Variants in NALF1 observed in about 807,000 individuals in gnomAD.
The protein encoded by NALF1 is family with sequence similarity 155 member A.
Under a neutral mutation model 48.4 loss-of-function variants are expected in NALF1, and 3 were observed. That is an observed-to-expected ratio of 0.06 (90% confidence interval 0.03 to 0.16). The LOEUF is 0.16. Among genes scored for constraint, NALF1 ranks in the 10% least tolerant of loss-of-function variants. NALF1 has a pLI of 1.00. For synonymous variants in NALF1, 262 were observed against 245.7 expected, an observed-to-expected ratio of 1.07 and a Z score of -0.62; for missense variants, 526 against 571.5, an observed-to-expected ratio of 0.92 and a Z score of 0.81.
intron 1 of NALF1, among the ~76,000 whole-genome samples, chr13:107,673,938 T>A (rs781274001): frequency 6.6e-6 from 1 of 152,106 alleles, no homozygotes; most frequent in Non-Finnish European, 1.5e-5. Flanking sequence ...GACTTAAGTG[T>A]TCTCCCCACA....
intron 1 of NALF1, among the ~76,000 whole-genome samples, chr13:107,218,458 G>A (rs997204384): frequency 2.0e-5 from 3 of 152,110 alleles, no homozygotes; most frequent in African/African-American, 7.2e-5. Flanking sequence ...GATGCCCCGC[G>A]ATTGGTTAGC....
intron 1 of NALF1, among the ~76,000 whole-genome samples, chr13:107,738,424 T>A (rs1876528654): frequency 6.6e-6 from 1 of 152,178 alleles, no homozygotes; most frequent in South Asian, 2.1e-4. Flanking sequence ...ATCTTAAGCC[T>A]GGACTTCACA....
chr13:107,412,105 T>C (rs1447526223), intron 1 of NALF1, among the ~76,000 whole-genome samples: 3 of 152,180 alleles, frequency 2.0e-5, no homozygotes, highest in Non-Finnish European at 4.4e-5. Flanking sequence ...CGAAATGAGC[T>C]GTGACTTCAA....
intron 1 of NALF1, among the ~76,000 whole-genome samples, chr13:107,785,119 T>C (rs576128494): frequency 6.6e-6 from 1 of 152,032 alleles, no homozygotes; most frequent in East Asian, 1.9e-4. Context: ...TATATGTATA[T>C]ATATATTCAT....
At chr13:107,440,401 G>A (rs16970111) in intron 1 of NALF1, among the ~76,000 whole-genome samples, 2,330 of 152,274 alleles carry the variant, frequency 0.015, 57 homozygotes, top group African/African-American at 0.054. Context: ...GTGGCGCGAC[G>A]AAGCCAGCTT....
At chr13:107,609,303 T>C (rs894958556) in intron 1 of NALF1, among the ~76,000 whole-genome samples, 1 of 152,202 alleles carries the variant, frequency 6.6e-6, no homozygotes, top group African/African-American at 2.4e-5. Context: ...AGGAACATCA[T>C]TCTGTCCTTG....
At chr13:107,525,230 G>A (rs57654280) in intron 1 of NALF1, among the ~76,000 whole-genome samples, 12,459 of 151,942 alleles carry the variant, frequency 0.082, 849 homozygotes, top group East Asian at 0.21. Flanking sequence ...GAAGAGTCCC[G>A]TCACCCCCAA....
chr13:107,282,387 G>A (rs939394121), intron 1 of NALF1, among the ~76,000 whole-genome samples: 7 of 152,176 alleles, frequency 4.6e-5, no homozygotes, highest in African/African-American at 1.7e-4. Flanking sequence ...TAACAAAGAG[G>A]ATGGACTCTG....
chr13:107,197,180 C>T (rs896343832), intron 2 of NALF1, among the ~76,000 whole-genome samples: 14 of 152,206 alleles, frequency 9.2e-5, no homozygotes, highest in Admixed American at 5.2e-4. Flanking sequence ...CTAGAGGTGT[C>T]GCTAAACCTT....
At chr13:107,730,359 T>C (rs948140042) in intron 1 of NALF1, among the ~76,000 whole-genome samples, 6 of 152,194 alleles carry the variant, frequency 3.9e-5, no homozygotes, top group African/African-American at 1.2e-4. Flanking sequence ...AATACAAAAA[T>C]TATACAGGAC....
chr13:107,763,504 G>C (rs1347836542), intron 1 of NALF1, among the ~76,000 whole-genome samples: 1 of 146,702 alleles, frequency 6.8e-6, no homozygotes, highest in Non-Finnish European at 1.5e-5. Flanking sequence ...AGCCTTTCCA[G>C]TTCACTGCAG....
At chr13:107,311,110 C>T (rs1429287094) in intron 1 of NALF1, among the ~76,000 whole-genome samples, 3 of 152,040 alleles carry the variant, frequency 2.0e-5, no homozygotes, top group African/African-American at 4.8e-5. Flanking sequence ...TTTTTTTCCC[C>T]CAAGAAATGA....
chr13:107,659,245 C>G (rs766649643), intron 1 of NALF1, among the ~76,000 whole-genome samples: 2 of 152,100 alleles, frequency 1.3e-5, no homozygotes, highest in Non-Finnish European at 2.9e-5. Flanking sequence ...GAATCAGGAA[C>G]CATTTCTTTG....
chr13:107,846,696 G>T (rs1046225455), intron 1 of NALF1, among the ~76,000 whole-genome samples: 1 of 152,164 alleles, frequency 6.6e-6, no homozygotes, highest in Admixed American at 6.5e-5. Context: ...TGCTAGTAGG[G>T]TCAGAATAGC....
chr13:107,326,654 A>G (rs1006525809), intron 1 of NALF1, among the ~76,000 whole-genome samples: 12 of 152,208 alleles, frequency 7.9e-5, no homozygotes, highest in Admixed American at 7.9e-4. Flanking sequence ...TCATATTAAA[A>G]TGAGTGTTGA....
Position 107,601,451 on chromosome 13 carries a change from C to T in NALF1, c.915+264231G>A, listed in dbSNP as rs74112285. Among the ~76,000 whole-genome samples, 568 of 152,302 alleles carry T rather than the reference C, an allele frequency of 3.7e-3. 8 individuals carry two copies. The highest frequency in any genetic ancestry group is 0.013 in the African/African-American group (548 of 41,576). On this transcript the variant is annotated intron_variant, in intron 1 of 2. Coordinates refer to ENST00000375915, the MANE Select transcript of NALF1 (RefSeq NM_001080396.3). ...TTCCTATCAACACTACTTTCCTGTG[C>T]TCTTCTGCAAGAATGGATTCAGCTC...
chr13:107,331,635 C>G (rs1352968338), intron 1 of NALF1, among the ~76,000 whole-genome samples: 2 of 152,134 alleles, frequency 1.3e-5, no homozygotes, highest in East Asian at 3.9e-4. Context: ...ATTTTGTTCT[C>G]CTGACAGTCA....
intron 1 of NALF1, among the ~76,000 whole-genome samples, chr13:107,249,344 A>G (rs1361620718): frequency 6.6e-6 from 1 of 152,130 alleles, no homozygotes; most frequent in Non-Finnish European, 1.5e-5. Flanking sequence ...TCATTGTTGA[A>G]TGGATCTAGA....
chr13:107,202,742 G>C (rs978430987), intron 2 of NALF1, among the ~76,000 whole-genome samples: 2 of 152,168 alleles, frequency 1.3e-5, no homozygotes, highest in Non-Finnish European at 2.9e-5. Flanking sequence ...GCAATGCAAA[G>C]ACAGCAGGCT....
Sources: gnomAD v4.1 joint callset for allele counts (sites outside exome capture counted in the v4.1 genomes callset) on GRCh38, gnomAD v4.1.1 for gene constraint, MANE v1.5 for transcripts, NCBI Gene and HGNC (gene_info 2026-07-23, HGNC 2026-07-21) for gene names.